Variants in LUZP1 observed in about 807,000 individuals in gnomAD.
The protein encoded by LUZP1 is leucine zipper protein 1.
In LUZP1, 25 loss-of-function variants were observed where a neutral mutation model predicts 71.3. That is an observed-to-expected ratio of 0.35 (90% CI 0.26 to 0.49). The LOEUF is 0.49. LUZP1 is among the 20% of genes least tolerant of loss of function. The probability of loss-of-function intolerance (pLI) is 0.99; values close to 1 mark genes in which losing one functional copy is unlikely to be tolerated. For missense variants in LUZP1, 1,142 were observed against 1,300.8 expected, an observed-to-expected ratio of 0.88 and a Z score of 1.88; for synonymous variants, 481 against 506.4, an observed-to-expected ratio of 0.95 and a Z score of 0.67.
chr1:23,147,116 A>ATAATAATAG (rs1644349346), intron 2 of LUZP1, among the ~76,000 whole-genome samples: 1 of 147,130 alleles, frequency 6.8e-6, no homozygotes, highest in African/African-American at 2.5e-5. Context: ...AATAATAATA[A>ATAATAATAG]TAATAATAAT....
intron 2 of LUZP1, among the ~76,000 whole-genome samples, chr1:23,139,019 A>AATATATATATATATATATATATAT (rs1225155907): frequency 5.0e-5 from 3 of 59,952 alleles, no homozygotes; most frequent in African/African-American, 2.8e-4. Context: ...AAAAAAAAAA[A>AATATATATATATATATATATATAT]ATATATATAT....
At chr1:23,161,389 C>G (rs932150124) in intron 2 of LUZP1, among the ~76,000 whole-genome samples, 1 of 152,080 alleles carries the variant, frequency 6.6e-6, no homozygotes, top group Non-Finnish European at 1.5e-5. Context: ...GGCAGCCATG[C>G]AAAGAGCAGG....
rs1202173142 is a variant in LUZP1 at position 23,093,123 on chromosome 1, C to T, written c.1139G>A (p.Gly380Glu). The T allele has an allele frequency of 1.2e-6, 2 of 1,614,040 alleles. No individual in the cohort carries two copies. Among genetic ancestry groups the T allele is most frequent in the East Asian group, 4.5e-5 (2 of 44,894 alleles). ...GTGCTTGGACACAGAAGCTTCACTT[C>T]CGTGGCCTCTAAACTTAGTCCTCTC... Residue 380 changes from glycine (G) to glutamate (E), a missense_variant, in exon 4 of 5, where the codon GGA (glycine) becomes GAA (glutamate). Gly to Glu is a moderately conservative substitution (Grantham distance 98). Coordinates refer to ENST00000302291, the Ensembl canonical transcript of LUZP1. This position sits in a 1 kb window ranked among gnomAD's most constrained non-coding sequence, Gnocchi z 4.2.
chr1:23,156,824 T>C (rs1207841398), intron 2 of LUZP1, among the ~76,000 whole-genome samples: 6 of 152,212 alleles, frequency 3.9e-5, no homozygotes, highest in Admixed American at 3.9e-4. Context: ...CACAAAATGC[T>C]AGTCTCCACC....
chr1:23,170,915 A>ACCC lies in LUZP1; in HGVS notation c.-484-1894_-484-1892dup, dbSNP rs1254898824. On this transcript the variant is annotated intron_variant, in intron 1 of 4. Coordinates refer to ENST00000302291, the Ensembl canonical transcript of LUZP1. ...AGACCAGCCTGGGCAACATGGCAAAACCCCGTCTTTACAAAAAATACTAAA... is the reference window on the plus strand; with the variant it reads ...AGACCAGCCTGGGCAACATGGCAAAACCCCCCCGTCTTTACAAAAAATACTAAA... 3.2e-4 allele frequency among the ~76,000 whole-genome samples: 49 copies of ACCC among 151,152 alleles called. 1 individual carries two copies. The highest frequency in any genetic ancestry group is 8.9e-5 in the Non-Finnish European group (6 of 67,796).
At chr1:23,150,681 T>A (rs1332656224) in intron 2 of LUZP1, among the ~76,000 whole-genome samples, 1 of 152,062 alleles carries the variant, frequency 6.6e-6, no homozygotes, top group African/African-American at 2.4e-5. Flanking sequence ...AGAAGAGTAA[T>A]CTAAAGAACT....
intron 2 of LUZP1, among the ~76,000 whole-genome samples, chr1:23,113,758 T>C (rs1375234781): frequency 1.3e-5 from 2 of 152,062 alleles, no homozygotes; most frequent in East Asian, 3.9e-4. Flanking sequence ...CGCGCGCCTG[T>C]AGTCCCAGCT....
intron 3 of LUZP1, among the ~76,000 whole-genome samples, chr1:23,099,578 G>A (rs1643915797): frequency 1.3e-5 from 2 of 152,140 alleles, no homozygotes; most frequent in South Asian, 2.1e-4. Context: ...AGAAGGAAAC[G>A]TTAAACCTTA....
At chr1:23,158,402 G>A (rs1251243610) in intron 2 of LUZP1, among the ~76,000 whole-genome samples, 1 of 152,164 alleles carries the variant, frequency 6.6e-6, no homozygotes, top group Non-Finnish European at 1.5e-5. Context: ...TGTAATCCCA[G>A]CACTTTGGAA....
chr1:23,101,233 A>G (rs1406125176), intron 3 of LUZP1, among the ~76,000 whole-genome samples: 2 of 152,206 alleles, frequency 1.3e-5, no homozygotes, highest in African/African-American at 4.8e-5. Context: ...TTTTCCCTCA[A>G]TGTCCACACA....
chr1:23,125,612 T>C (rs1411151728), intron 2 of LUZP1, among the ~76,000 whole-genome samples: 1 of 152,166 alleles, frequency 6.6e-6, no homozygotes, highest in Admixed American at 6.5e-5. Flanking sequence ...CATTCTCCAT[T>C]CAGAGGCTGC....
intron 3 of LUZP1, among the ~76,000 whole-genome samples, chr1:23,103,828 AAGAGAGGGAGAG>A (rs1557641017): frequency 1.8e-5 from 1 of 55,234 alleles, no homozygotes; most frequent in Non-Finnish European, 3.5e-5. Flanking sequence ...GGGAGGGAGG[AAGAGAGGGAGAG>A]AGGGAGGGAG....
chr1:23,112,395 G>C (rs1644041455), intron 2 of LUZP1, among the ~76,000 whole-genome samples: 2 of 152,204 alleles, frequency 1.3e-5, no homozygotes, highest in South Asian at 4.1e-4. Context: ...TAGAAGCAGA[G>C]ACTGAAGGAT....
intron 3 of LUZP1, among the ~76,000 whole-genome samples, chr1:23,108,701 G>A (rs1156714492): frequency 6.6e-6 from 1 of 152,180 alleles, no homozygotes; most frequent in Non-Finnish European, 1.5e-5. Context: ...TTTCCTTGTG[G>A]TGATGACAAC....
At chr1:23,113,785 C>T (rs537920344) in intron 2 of LUZP1, among the ~76,000 whole-genome samples, 127 of 151,730 alleles carry the variant, frequency 8.4e-4, no homozygotes, top group Middle Eastern at 6.8e-3. Context: ...GAGGCTGAGG[C>T]AGGAGAATCG....
At chr1:23,099,663 T>C (rs1458260555) in intron 3 of LUZP1, among the ~76,000 whole-genome samples, 1 of 152,372 alleles carries the variant, frequency 6.6e-6, no homozygotes, top group South Asian at 2.1e-4. Context: ...TTTATTTATT[T>C]GGCTTTTAGT....
rs56919514 is a variant in LUZP1, at chr1:23,158,647, CAAAAAA to C, written c.-226+10113_-226+10118del. On this transcript the variant is annotated intron_variant, in intron 2 of 4. Transcript: ENST00000302291. ...GAGTGGCAAGAGCAAGACTCTGTCTCAAAAAAAAAAAAAAAAAAAAAAAAAAAAAAG... is the reference window on the plus strand; with the variant it reads ...GAGTGGCAAGAGCAAGACTCTGTCTCAAAAAAAAAAAAAAAAAAAAAAAAG... Among the ~76,000 whole-genome samples, 86 of 59,908 alleles carry C rather than the reference CAAAAAA, an allele frequency of 1.4e-3. No homozygotes were observed. In the East Asian group the frequency reaches 0.024, roughly 17 times the overall value. The allele number at this position is 59,908 out of a possible 152,430, so 39.3% of individuals were successfully genotyped here. A position where few individuals can be genotyped will look rare whatever the true frequency, so the allele number is the denominator to read the frequency against.
chr1:23,132,907 T>C (rs549587796), intron 2 of LUZP1, among the ~76,000 whole-genome samples: 1 of 152,224 alleles, frequency 6.6e-6, no homozygotes, highest in Non-Finnish European at 1.5e-5. Context: ...TGGTCTTTAA[T>C]ACAAGCTTTT....
At position 23,094,344 on chromosome 1, in the gene LUZP1, C is replaced by T. The variant is rs1643882148; in HGVS notation, c.-83G>A. 6.7e-7 allele frequency: 1 copy of T among 1,503,294 alleles called. No homozygotes were observed. The highest frequency in any genetic ancestry group is 2.4e-5 in the Admixed American group (1 of 41,672). 93.1% of individuals were successfully genotyped at this position (1,503,294 alleles called of 1,614,324 possible). The stretch of plus-strand genomic sequence containing the variant: ...GAAATGGTTACCTTTCTCTTGGCAA[C>T]CACAATCTTCTTTGACAGCTGGAGA... On this transcript the variant is annotated 5_prime_UTR_variant, in exon 4 of 5. An upstream open reading frame in the 5' UTR gains an earlier in-frame stop. Coordinates refer to ENST00000302291, the Ensembl canonical transcript of LUZP1. This position sits in a 1 kb window ranked among gnomAD's most constrained non-coding sequence, Gnocchi z 4.7.
Sources: gnomAD v4.1 joint callset for allele counts (sites outside exome capture counted in the v4.1 genomes callset) on GRCh38, gnomAD v4.1.1 for gene constraint, Gnocchi (gnomAD v3.1) non-coding constraint, MANE v1.5 for transcripts, NCBI Gene and HGNC (gene_info 2026-07-23, HGNC 2026-07-21) for gene names.